Variants in IL5RA observed in about 807,000 individuals in gnomAD.
IL5RA encodes interleukin-5 receptor subunit alpha.
In IL5RA, 49 loss-of-function variants were observed where a neutral mutation model predicts 50.0. The observed-to-expected ratio is 0.98, with a 90% CI of 0.78 to 1.24. The LOEUF (loss-of-function observed/expected upper bound fraction) is 1.24, where lower values mean the gene tolerates loss of function less well. Ranked by LOEUF, IL5RA falls within the 50% of genes most tolerant of loss-of-function variation. The probability of loss-of-function intolerance (pLI) is 0.00; values close to 1 mark genes in which losing one functional copy is unlikely to be tolerated. For synonymous variants in IL5RA, 202 were observed against 174.0 expected, an observed-to-expected ratio of 1.16 and a Z score of -1.26; for missense variants, 600 against 500.4, an observed-to-expected ratio of 1.20 and a Z score of -1.90.
chr3:3,098,411 A>AT (rs546165496), intron 5 of IL5RA, 121 bp from the exon 6 acceptor site: 1,014 of 837,366 alleles, frequency 1.2e-3, no homozygotes, highest in Non-Finnish European at 1.5e-3. Context: ...TCATCTTCAC[A>AT]TTTTTTTTTC....
In IL5RA at chr3:3,092,493, C is replaced by A. The variant is rs964812934; in HGVS notation, c.856-131G>T. 22 of 823,564 alleles carry A rather than the reference C, an allele frequency of 2.7e-5. No individual in the cohort carries two copies. The highest frequency in any genetic ancestry group is 3.7e-5 in the Non-Finnish European group (19 of 513,044). 51.0% of individuals were successfully genotyped at this position (823,564 alleles called of 1,614,324 possible). On this transcript the variant is annotated intron_variant, in intron 8 of 11. Coordinates refer to ENST00000446632, the MANE Select transcript of IL5RA (RefSeq NM_175726.4). The surrounding 1 kb of genome is among the most constrained non-coding windows in gnomAD (Gnocchi z 4.2). ...CAAGTCCTTTAAAATCAACAGGGCA[C>A]ACATTAATTCGTTTATGCTAGGTGC...
At chr3:3,094,706 T>G (rs1574998402) in intron 8 of IL5RA, among the ~76,000 whole-genome samples, 1 of 152,048 alleles carries the variant, frequency 6.6e-6, no homozygotes, top group South Asian at 2.1e-4. Flanking sequence ...GTAGCTGCAT[T>G]ATTTTAGTTT....
intron 9 of IL5RA, among the ~76,000 whole-genome samples, chr3:3,081,468 G>A (rs989881300): frequency 1.2e-4 from 19 of 152,170 alleles, no homozygotes; most frequent in Admixed American, 9.2e-4. Context: ...AAGTTATCCT[G>A]TTTATAACTA....
At chr3:3,103,369 T>A (rs1459453237) in intron 3 of IL5RA, among the ~76,000 whole-genome samples, 1 of 152,238 alleles carries the variant, frequency 6.6e-6, no homozygotes, top group African/African-American at 2.4e-5. Context: ...TGTATTGGTT[T>A]GTGACCAGAA....
chr3:3,085,842 A>G (rs1183912625), intron 9 of IL5RA, among the ~76,000 whole-genome samples: 1 of 152,152 alleles, frequency 6.6e-6, no homozygotes, highest in African/African-American at 2.4e-5. Flanking sequence ...CTCCGACAGG[A>G]AAGCAAAGGC....
intron 9 of IL5RA, chr3:3,091,960 A>G (rs1559870593): frequency 6.7e-6 from 8 of 1,194,618 alleles, no homozygotes; most frequent in East Asian, 3.6e-5. Context: ...TAAAAAATGG[A>G]TAGAAGTAGA....
In IL5RA at chr3:3,076,585, A is replaced by T. The variant is rs1574977343; in HGVS notation, c.1037T>A (p.Val346Glu). The change falls in exon 10 of 12, where the codon GTG becomes GAG. Residue 346 changes from valine (V) to glutamate (E), a missense_variant. Val to Glu is a moderately radical substitution (Grantham distance 121, BLOSUM62 -2). Transcript: ENST00000446632. ...HKPLREWFVI[V>E]IMATICFILL... The stretch of plus-strand genomic sequence containing the variant: ...GATGAAGCAGATGGTTGCCATAATC[A>T]CAATGACAAACCACTCTCTCAAGGG... 2.5e-6 allele frequency: 4 copies of T among 1,612,834 alleles called. No homozygotes were observed. Among genetic ancestry groups the T allele is most frequent in the Non-Finnish European group, 3.4e-6 (4 of 1,178,884 alleles).
Position 3,066,624 on chromosome 3 carries a change from A to C in IL5RA, c.*3601T>G, listed in dbSNP as rs1030585774. The C allele has an allele frequency of 6.6e-6, 1 of 152,182 alleles. No homozygotes were observed. The highest frequency in any genetic ancestry group is 1.5e-5 in the Non-Finnish European group (1 of 68,044). The allele number at this position is 152,182 out of a possible 1,614,324, so 9.4% of individuals were successfully genotyped here. A position where few individuals can be genotyped will look rare whatever the true frequency, so the allele number is the denominator to read the frequency against. On this transcript the variant is annotated 3_prime_UTR_variant, in exon 12 of 12. Transcript: ENST00000446632. Reference sequence around the variant, plus strand: ...ACTTCCAGATATCTACTTTTTCTTTAACAAATTAGCACCTCAGGCTTCTTA... The same window carrying C: ...ACTTCCAGATATCTACTTTTTCTTTCACAAATTAGCACCTCAGGCTTCTTA...
In IL5RA at chr3:3,068,341, G is replaced by T. The variant is rs1411143985; in HGVS notation, c.*1884C>A. On this transcript the variant is annotated 3_prime_UTR_variant, in exon 12 of 12. Transcript: ENST00000446632. ...AATCCCAGTACTTTGGAAGGCTGAG[G>T]CCGGTGTATCGCTTGAGCCCAGGAG... The T allele has an allele frequency of 1.3e-5, 2 of 152,130 alleles. No individual in the cohort carries two copies. The highest frequency in any genetic ancestry group is 4.8e-5 in the African/African-American group (2 of 41,382). The allele number at this position is 152,130 out of a possible 1,614,324, so 9.4% of individuals were successfully genotyped here. A position where few individuals can be genotyped will look rare whatever the true frequency, so the allele number is the denominator to read the frequency against.
At chr3:3,096,511 C>A (rs1232353275) in intron 7 of IL5RA, among the ~76,000 whole-genome samples, 1 of 151,960 alleles carries the variant, frequency 6.6e-6, no homozygotes, top group East Asian at 1.9e-4. Context: ...GCCTCCTATA[C>A]CCTATGAAGA....
chr3:3,102,620 C>A, intron 4 of IL5RA, 55 bp downstream of exon 4: 1 of 1,198,228 alleles, frequency 8.3e-7, no homozygotes, highest in Non-Finnish European at 1.2e-6. Context: ...AAAGAAAATG[C>A]AGTCAAAATG....
intron 9 of IL5RA, among the ~76,000 whole-genome samples, chr3:3,078,012 A>G (rs1486210504): frequency 2.0e-5 from 3 of 152,190 alleles, no homozygotes; most frequent in African/African-American, 7.2e-5. Flanking sequence ...ACTGGGATTC[A>G]GTGGTCGAAA....
intron 11 of IL5RA, among the ~76,000 whole-genome samples, chr3:3,071,967 T>A (rs1702315027): frequency 6.6e-6 from 1 of 152,172 alleles, no homozygotes; most frequent in Non-Finnish European, 1.5e-5. Flanking sequence ...CTCCTCTAAG[T>A]CCTGGGACTT....
intron 9 of IL5RA, chr3:3,090,210 G>A (rs140525458): frequency 3.4e-5 from 54 of 1,610,220 alleles, no homozygotes; most frequent in East Asian, 3.1e-4. Flanking sequence ...TTTCAGATAC[G>A]GTGTGGGGCA....
chr3:3,105,125 C>T (rs1289068675), intron 2 of IL5RA, 138 bp from the exon 3 acceptor site: 2 of 593,166 alleles, frequency 3.4e-6, no homozygotes, highest in Non-Finnish European at 6.2e-6. Flanking sequence ...GCAAAAAGTA[C>T]AAACATGACC....
chr3:3,092,077 T>A lies in IL5RA; in HGVS notation c.994+147A>T. The A allele has an allele frequency of 7.1e-7, 1 of 1,416,330 alleles. No homozygotes were observed. The highest frequency in any genetic ancestry group is 9.2e-7 in the Non-Finnish European group (1 of 1,089,962). The allele number at this position is 1,416,330 out of a possible 1,614,324, so 87.7% of individuals were successfully genotyped here. A position where few individuals can be genotyped will look rare whatever the true frequency, so the allele number is the denominator to read the frequency against. ...GGCTTCATGGCAAATCTATTCCTGA[T>A]TGAAAAGGCAGTAGACCGAGAGAAA... On this transcript the variant is annotated intron_variant, in intron 9 of 11. Transcript: ENST00000446632. The surrounding 1 kb of genome is among the most constrained non-coding windows in gnomAD (Gnocchi z 4.2).
chr3:3,105,629 C>G (rs1211060301), intron 2 of IL5RA: 1 of 141,166 alleles, frequency 7.1e-6, no homozygotes, highest in Non-Finnish European at 1.5e-5. Context: ...TTTGTTCCCC[C>G]CCCCACCCCG....
chr3:3,070,010 G>C lies in IL5RA; in HGVS notation c.*215C>G. On this transcript the variant is annotated 3_prime_UTR_variant, in exon 12 of 12. Transcript: ENST00000446632. Reference sequence around the variant, plus strand: ...GAGAAAAAACATGGCAAAATGCTTGGATGAGTCAACTTCCCTGCTGTAGGT... The same window carrying C: ...GAGAAAAAACATGGCAAAATGCTTGCATGAGTCAACTTCCCTGCTGTAGGT... The C allele has an allele frequency of 2.1e-6, 1 of 482,520 alleles. No homozygotes were observed. Among genetic ancestry groups the C allele is most frequent in the South Asian group, 3.6e-5 (1 of 27,942 alleles). 29.9% of individuals were successfully genotyped at this position (482,520 alleles called of 1,614,324 possible).
chr3:3,108,242 A>G (rs922992146), intron 2 of IL5RA, among the ~76,000 whole-genome samples: 20 of 152,358 alleles, frequency 1.3e-4, no homozygotes, highest in East Asian at 3.9e-4. Context: ...TTACCCCCCA[A>G]TGAAAAACTG....
Sources: gnomAD v4.1 joint callset for allele counts (sites outside exome capture counted in the v4.1 genomes callset) on GRCh38, gnomAD v4.1.1 for gene constraint, Gnocchi (gnomAD v3.1) non-coding constraint, MANE v1.5 for transcripts, NCBI Gene and HGNC (gene_info 2026-07-23, HGNC 2026-07-21) for gene names.